The following RIMS1 variants were observed in gnomAD, a reference collection of about 807,000 sequenced individuals.
RIMS1 encodes the protein regulating synaptic membrane exocytosis 1.
A neutral mutation model predicts 214.1 loss-of-function variants in RIMS1; 83 were observed. The observed-to-expected ratio is 0.39, with a 90% CI of 0.32 to 0.47. The LOEUF (loss-of-function observed/expected upper bound fraction) is 0.47, where lower values mean the gene tolerates loss of function less well. RIMS1 is among the 20% of genes least tolerant of loss of function. The probability of loss-of-function intolerance (pLI) is 0.99; values close to 1 mark genes in which losing one functional copy is unlikely to be tolerated. For synonymous variants in RIMS1, 793 were observed against 786.8 expected (o/e 1.01, Z -0.13); for missense variants, 2,050 against 2,161.8 (o/e 0.95, Z 1.03).
At chr6:72,342,213 C>G (rs2097115508) in intron 29 of RIMS1, among the ~76,000 whole-genome samples, 1 of 151,816 alleles carries the variant, frequency 6.6e-6, no homozygotes, top group Admixed American at 6.6e-5. Context: ...ACTTGCTGCC[C>G]ACTCCACTCT....
intron 28 of RIMS1, chr6:72,317,069 G>A: frequency 2.4e-6 from 1 of 413,630 alleles, no homozygotes; most frequent in Non-Finnish European, 4.6e-6. Context: ...TCAGAGGAGG[G>A]CAGGGGTGGG....
chr6:72,266,095 A>AT, intron 22 of RIMS1, 46 bp downstream of exon 22: 2 of 1,351,830 alleles, frequency 1.5e-6, no homozygotes, highest in Non-Finnish European at 2.1e-6. Context: ...TGTACTAGTG[A>AT]TTTTTTTCAG....
At chr6:71,981,805 C>T (rs536408459) in intron 2 of RIMS1, among the ~76,000 whole-genome samples, 1 of 152,132 alleles carries the variant, frequency 6.6e-6, no homozygotes, top group East Asian at 1.9e-4. Context: ...AAATCATTCA[C>T]TTTTTCATTT....
intron 9 of RIMS1, among the ~76,000 whole-genome samples, chr6:72,238,961 C>T (rs1048757252): frequency 6.6e-6 from 1 of 151,854 alleles, no homozygotes; most frequent in Non-Finnish European, 1.5e-5. Flanking sequence ...AGGAAGAAAA[C>T]TCTAATCGGA....
intron 2 of RIMS1, among the ~76,000 whole-genome samples, chr6:72,061,398 G>C (rs1208935680): frequency 6.6e-6 from 1 of 152,204 alleles, no homozygotes; most frequent in Admixed American, 6.5e-5. Context: ...AGTTAGGCTG[G>C]TCATTGCTCA....
chr6:71,910,673 G>A lies in RIMS1; in HGVS notation c.164+23486G>A, dbSNP rs562967337. Among the ~76,000 whole-genome samples the A allele has an allele frequency of 5.3e-5, 8 of 152,264 alleles. No individual in the cohort carries two copies. The East Asian group carries it at 1.5e-3, about 29-fold the overall frequency. ...TAGCACACATAATGTTGTTTGTGGA[G>A]AACCTTTGCATACGTACTGTGTGCC... On this transcript the variant is annotated intron_variant, in intron 1 of 33. Coordinates refer to ENST00000521978, the MANE Select transcript of RIMS1 (RefSeq NM_014989.7).
chr6:72,117,018 A>T (rs550861615), intron 4 of RIMS1, among the ~76,000 whole-genome samples: 1 of 151,912 alleles, frequency 6.6e-6, no homozygotes, highest in African/African-American at 2.4e-5. Flanking sequence ...TCACAACCCA[A>T]TTGCTCCAGG....
chr6:72,340,006 G>A (rs1380658565), intron 29 of RIMS1, among the ~76,000 whole-genome samples: 1 of 152,058 alleles, frequency 6.6e-6, no homozygotes, highest in African/African-American at 2.4e-5. Context: ...ATCTGATTGT[G>A]GTTTTGATTT....
At chr6:71,952,308 G>T (rs555429673) in intron 1 of RIMS1, among the ~76,000 whole-genome samples, 222 of 151,782 alleles carry the variant, frequency 1.5e-3, no homozygotes, top group African/African-American at 5.3e-3. Context: ...TATCTATATT[G>T]AAAAAAAAGT....
chr6:72,373,807 C>G (rs2098292398), intron 29 of RIMS1, among the ~76,000 whole-genome samples: 1 of 152,106 alleles, frequency 6.6e-6, no homozygotes, highest in East Asian at 1.9e-4. Flanking sequence ...CAGATTTTTT[C>G]TTCACCAGTA....
chr6:71,946,410 C>A (rs1434201436), intron 1 of RIMS1, among the ~76,000 whole-genome samples: 1 of 152,124 alleles, frequency 6.6e-6, no homozygotes, highest in Non-Finnish European at 1.5e-5. Flanking sequence ...ATCAAAACAG[C>A]ATAGTGCTGG....
intron 6 of RIMS1, among the ~76,000 whole-genome samples, chr6:72,209,380 A>G (rs554570517): frequency 2.0e-5 from 3 of 152,330 alleles, no homozygotes; most frequent in South Asian, 4.1e-4. Context: ...ATTATGAAAG[A>G]GGTTCTCAAT....
chr6:72,382,114 G>A (rs1342440873), intron 29 of RIMS1, among the ~76,000 whole-genome samples: 1 of 152,132 alleles, frequency 6.6e-6, no homozygotes, highest in Non-Finnish European at 1.5e-5. Context: ...TGGGAAAATG[G>A]AAGGAAAATA....
intron 1 of RIMS1, among the ~76,000 whole-genome samples, chr6:71,926,405 C>T (rs1781577487): frequency 6.6e-6 from 1 of 152,170 alleles, no homozygotes; most frequent in East Asian, 1.9e-4. Flanking sequence ...GTACAAAAGT[C>T]TTCCATCTCA....
chr6:72,015,550 T>C (rs1407665639), intron 2 of RIMS1, among the ~76,000 whole-genome samples: 1 of 152,232 alleles, frequency 6.6e-6, no homozygotes, highest in East Asian at 1.9e-4. Context: ...CTTCCCAGCC[T>C]ACATTCTTTA....
At chr6:71,990,114 G>A (rs1801152982) in intron 2 of RIMS1, among the ~76,000 whole-genome samples, 1 of 152,166 alleles carries the variant, frequency 6.6e-6, no homozygotes, top group African/African-American at 2.4e-5. Flanking sequence ...TCCTATCACA[G>A]CCTCTATTTA....
chr6:71,986,966 G>C (rs968843677), intron 2 of RIMS1, among the ~76,000 whole-genome samples: 3 of 152,250 alleles, frequency 2.0e-5, no homozygotes, highest in Non-Finnish European at 4.4e-5. Context: ...TCAGGGTGTA[G>C]ATGGTAGCGT....
At chr6:72,010,516 A>G (rs1297687430) in intron 2 of RIMS1, among the ~76,000 whole-genome samples, 1 of 152,212 alleles carries the variant, frequency 6.6e-6, no homozygotes, top group Non-Finnish European at 1.5e-5. Context: ...AGGGTATTCA[A>G]TTAGGAAAAG....
chr6:72,009,180 C>A (rs1809205366), intron 2 of RIMS1, among the ~76,000 whole-genome samples: 1 of 152,196 alleles, frequency 6.6e-6, no homozygotes, highest in Admixed American at 6.5e-5. Context: ...TCACTCAAAA[C>A]AGCTCAACTA....
Sources: gnomAD v4.1 joint callset for allele counts (sites outside exome capture counted in the v4.1 genomes callset) on GRCh38, gnomAD v4.1.1 for gene constraint, MANE v1.5 for transcripts, NCBI Gene and HGNC (gene_info 2026-07-23, HGNC 2026-07-21) for gene names.